The following LRGUK variants were observed in gnomAD, a reference collection of about 807,000 sequenced individuals.
LRGUK encodes the protein leucine-rich repeat and guanylate kinase domain-containing protein.
LRGUK carries 65 observed loss-of-function variants against 76.0 expected under a neutral mutation model. That is an observed-to-expected ratio of 0.85 (90% confidence interval 0.70 to 1.05). The LOEUF (loss-of-function observed/expected upper bound fraction) is 1.05, where lower values mean the gene tolerates loss of function less well. Ranked by LOEUF, LRGUK falls within the 50% of genes least tolerant of loss-of-function variation. The pLI is 0.00. For synonymous variants in LRGUK, 268 were observed against 265.6 expected (o/e 1.01, Z -0.09); for missense variants, 758 against 732.8 (o/e 1.03, Z -0.40).
At chr7:134,183,950 G>T in intron 11 of LRGUK, 97 bp downstream of exon 11, 1 of 1,457,644 alleles carries the variant, frequency 6.9e-7, no homozygotes, top group Middle Eastern at 2.0e-4. Context: ...GCTAATGTTG[G>T]CTATTAATTT....
intron 11 of LRGUK, among the ~76,000 whole-genome samples, chr7:134,188,510 C>A (rs79457474): frequency 1.8e-4 from 27 of 152,066 alleles, no homozygotes; most frequent in South Asian, 4.2e-4. Flanking sequence ...AATGTAGTGA[C>A]GGGTGATGAT....
chr7:134,178,566 C>T, exon 10 of LRGUK: 1 of 1,613,374 alleles, frequency 6.2e-7, no homozygotes, highest in Non-Finnish European at 8.5e-7. Context: ...CCACCTGACC[C>T]ATGTTGTCAA....
chr7:134,210,579 A>C (rs528862980), downstream of LRGUK, among the ~76,000 whole-genome samples: 8 of 152,296 alleles, frequency 5.3e-5, no homozygotes, highest in South Asian at 8.3e-4. Flanking sequence ...AGACCTCTCC[A>C]GAGGGAAAAG....
At chr7:134,128,197 G>A (rs1017647926) in intron 1 of LRGUK, among the ~76,000 whole-genome samples, 1 of 152,030 alleles carries the variant, frequency 6.6e-6, no homozygotes, top group Non-Finnish European at 1.5e-5. Flanking sequence ...TCTGTCGGGG[G>A]CATATGCCTT....
At chr7:134,127,592 C>T (rs773635948) in exon 1 of LRGUK, 1 of 1,614,204 alleles carries the variant, frequency 6.2e-7, no homozygotes. Context: ...TGGACTCGGA[C>T]GGAGATGAGG....
At chr7:134,139,329 A>G in intron 2 of LRGUK, 107 bp from the exon 3 acceptor site, 1 of 710,568 alleles carries the variant, frequency 1.4e-6, no homozygotes, top group Non-Finnish European at 2.4e-6. Flanking sequence ...CTTCTTCTAT[A>G]CTTGTGAAAG....
At chr7:134,272,709 T>G in the LRGUK span, among the ~76,000 whole-genome samples, 4 of 152,310 alleles carry the variant, frequency 2.6e-5, no homozygotes, top group African/African-American at 9.6e-5. Flanking sequence ...AAATGAAAAT[T>G]ACTTTGTCTG....
chr7:134,263,536 C>T (rs566164865), intron 19 of LRGUK, among the ~76,000 whole-genome samples: 1 of 151,372 alleles, frequency 6.6e-6, no homozygotes, highest in African/African-American at 2.4e-5. Flanking sequence ...CATTGGGCAA[C>T]TCTATACAAC....
intron 18 of LRGUK, among the ~76,000 whole-genome samples, chr7:134,256,459 CAAAA>C (rs34522132): frequency 3.5e-5 from 2 of 57,506 alleles, no homozygotes; most frequent in African/African-American, 1.1e-4. Flanking sequence ...AACTCTGTCT[CAAAA>C]AAAAAAAAAA....
downstream of LRGUK, among the ~76,000 whole-genome samples, chr7:134,265,232 T>C (rs897067640): frequency 6.6e-6 from 1 of 152,194 alleles, no homozygotes; most frequent in Non-Finnish European, 1.5e-5. Context: ...TGAAATATTT[T>C]AGGGACAATA....
intron 12 of LRGUK, among the ~76,000 whole-genome samples, chr7:134,196,643 A>G (rs1333870572): frequency 6.6e-6 from 1 of 152,196 alleles, no homozygotes; most frequent in African/African-American, 2.4e-5. Context: ...GCAGGCCATT[A>G]GTTTTGTTCT....
chr7:134,177,966 A>T (rs1799551830), intron 9 of LRGUK, among the ~76,000 whole-genome samples: 1 of 152,212 alleles, frequency 6.6e-6, no homozygotes, highest in South Asian at 2.1e-4. Context: ...ACTGTACATT[A>T]TGAAGAAAAG....
downstream of LRGUK, among the ~76,000 whole-genome samples, chr7:134,211,461 T>G (rs565971246): frequency 1.3e-5 from 2 of 152,362 alleles, no homozygotes; most frequent in South Asian, 2.1e-4. Flanking sequence ...AGGAAGACTT[T>G]GCTGTTCCTG....
intron 3 of LRGUK, among the ~76,000 whole-genome samples, chr7:134,142,540 A>G (rs1797807884): frequency 6.6e-6 from 1 of 152,264 alleles, no homozygotes; most frequent in Non-Finnish European, 1.5e-5. Context: ...AATGAGTTAA[A>G]TCACTTCAAA....
At chr7:134,273,680 G>C in the LRGUK span, among the ~76,000 whole-genome samples, 1 of 152,074 alleles carries the variant, frequency 6.6e-6, no homozygotes, top group Non-Finnish European at 1.5e-5. Flanking sequence ...TTAGCATAAA[G>C]TGTATTATAC....
rs185194212 is a variant in LRGUK at position 134,253,381 on chromosome 7, A to G, written c.2198+4305A>G. On this transcript the variant is annotated intron_variant, in intron 18 of 19. Transcript: ENST00000285928. ...TAATGAAAGAAGAAATGTAGTTTTA[A>G]AATATGATATATGAAGATGCAGATC... Among the ~76,000 whole-genome samples the G allele has an allele frequency of 7.0e-4, 106 of 152,348 alleles. 1 individual carries two copies. The East Asian group carries it at 0.019, about 28-fold the overall frequency.
At chr7:134,209,649 A>G (rs1002203428) in exon 16 of LRGUK, 1 of 399,228 alleles carries the variant, frequency 2.5e-6, no homozygotes, top group Non-Finnish European at 4.4e-6. Flanking sequence ...ACAACCTCCC[A>G]TCAAACCATG....
chr7:134,176,966 A>G lies in LRGUK; in HGVS notation c.1021-11A>G. The G allele has an allele frequency of 1.3e-6, 2 of 1,544,456 alleles. No homozygotes were observed. Among genetic ancestry groups the G allele is most frequent in the Non-Finnish European group, 1.8e-6 (2 of 1,121,384 alleles). ...AAGGCAACTGAACAGTCCTCTTGATATTTTAAATAGGAAAAGTCTGAATAT... is the reference window on the plus strand; with the variant it reads ...AAGGCAACTGAACAGTCCTCTTGATGTTTTAAATAGGAAAAGTCTGAATAT... On this transcript the variant is annotated splice_polypyrimidine_tract_variant and intron_variant, in intron 8 of 15. Transcript: ENST00000645682.
intron 11 of LRGUK, among the ~76,000 whole-genome samples, chr7:134,188,575 T>C (rs1800070254): frequency 6.6e-6 from 1 of 152,106 alleles, no homozygotes; most frequent in Non-Finnish European, 1.5e-5. Flanking sequence ...AGTAGTGGCT[T>C]CATGGAGTTT....
Sources: gnomAD v4.1 joint callset for allele counts (sites outside exome capture counted in the v4.1 genomes callset) on GRCh38, gnomAD v4.1.1 for gene constraint, MANE v1.5 for transcripts, NCBI Gene and HGNC (gene_info 2026-07-23, HGNC 2026-07-21) for gene names.